Variants in KIAA1958 observed in about 807,000 individuals in gnomAD.
KIAA1958 encodes the protein uncharacterized protein KIAA1958.
Under a neutral mutation model 47.2 loss-of-function variants are expected in KIAA1958, and 14 were observed. The observed-to-expected ratio is 0.30, with a 90% CI of 0.20 to 0.46. The LOEUF is 0.46. Ranked by LOEUF, KIAA1958 falls within the 20% of genes least tolerant of loss-of-function variation. The probability of loss-of-function intolerance (pLI) is 1.00; values close to 1 mark genes in which losing one functional copy is unlikely to be tolerated. For synonymous variants in KIAA1958, 354 were observed against 353.3 expected, an observed-to-expected ratio of 1.00 and a Z score of -0.02; for missense variants, 803 against 909.2, an observed-to-expected ratio of 0.88 and a Z score of 1.50.
chr9:112,640,925 T>C (rs1836879543), intron 2 of KIAA1958, among the ~76,000 whole-genome samples: 1 of 152,198 alleles, frequency 6.6e-6, no homozygotes, highest in Non-Finnish European at 1.5e-5. Flanking sequence ...GCTAGATAGA[T>C]TGCAGGTGTT....
chr9:112,547,346 A>G lies in KIAA1958; in HGVS notation c.-24-26711A>G, dbSNP rs532910359. ...TGAGCCACAGTTGTGCCACTGCACC[A>G]CAGCCTGGGTGACAGAGCAAGACTC... is the stretch of plus-strand genomic sequence containing the variant. On this transcript the variant is annotated intron_variant, in intron 1 of 3. Transcript: ENST00000337530. Among the ~76,000 whole-genome samples the G allele has an allele frequency of 7.4e-3, 1,070 of 145,418 alleles. 3 individuals are homozygous for G. The highest frequency in any genetic ancestry group is 0.011 in the Non-Finnish European group (733 of 66,794).
Position 112,659,953 on chromosome 9 carries a change from C to T in KIAA1958, c.2035C>T (p.Arg679Trp), listed in dbSNP as rs771772720. The change falls in exon 4 of 4, where the codon CGG becomes TGG. Residue 679 changes from arginine (R) to tryptophan (W), a missense_variant. Coordinates refer to ENST00000337530, the MANE Select transcript of KIAA1958 (RefSeq NM_133465.4). ...GCAGAGGATGGGGCTGCGCTCTCTT[C>T]GGGGAATTGTCCCAAACTTAGCCAA... is the stretch of plus-strand genomic sequence containing the variant. ...EEQRMGLRSL[R>W]GIVPNLAKKV... is the part of the protein sequence containing the mutation. 3 of 1,614,196 alleles carry T rather than the reference C, an allele frequency of 1.9e-6. No individual in the cohort carries two copies. The highest frequency in any genetic ancestry group is 1.7e-5 in the Admixed American group (1 of 60,026).
chr9:112,517,331 TG>T (rs1289348604), intron 1 of KIAA1958, among the ~76,000 whole-genome samples: 3 of 152,230 alleles, frequency 2.0e-5, no homozygotes, highest in Non-Finnish European at 2.9e-5. Flanking sequence ...AAGAATTGTA[TG>T]TCTATATGCA....
chr9:112,615,542 T>A (rs1836395439), intron 2 of KIAA1958, among the ~76,000 whole-genome samples: 1 of 152,100 alleles, frequency 6.6e-6, no homozygotes, highest in Non-Finnish European at 1.5e-5. Context: ...ATTAATAAAA[T>A]TTTAAGCTGC....
At chr9:112,546,779 C>T (rs1040933994) in intron 1 of KIAA1958, among the ~76,000 whole-genome samples, 11 of 152,116 alleles carry the variant, frequency 7.2e-5, no homozygotes, top group African/African-American at 2.7e-4. Context: ...CTCTCACTCT[C>T]TCTGCCCTGT....
intron 2 of KIAA1958, among the ~76,000 whole-genome samples, chr9:112,579,022 A>AT (rs1036146462): frequency 2.0e-5 from 3 of 151,622 alleles, no homozygotes; most frequent in African/African-American, 7.3e-5. Flanking sequence ...ATGTATATAT[A>AT]TTTTTTCTTT....
rs542323265 is a variant in KIAA1958, at chr9:112,620,851, C to G, written c.1172-24799C>G. Among the ~76,000 whole-genome samples, 5 of 152,046 alleles carry G rather than the reference C, an allele frequency of 3.3e-5. No individual in the cohort carries two copies. The East Asian group carries it at 9.6e-4, about 29-fold the overall frequency. On this transcript the variant is annotated intron_variant, in intron 2 of 3. Coordinates refer to ENST00000337530, the MANE Select transcript of KIAA1958 (RefSeq NM_133465.4). ...AAGGATAAAGAAAACAAAATACGTACTCGTAAGTCTTCTAGCCAAAGATAA... is the reference window on the plus strand; with the variant it reads ...AAGGATAAAGAAAACAAAATACGTAGTCGTAAGTCTTCTAGCCAAAGATAA...
chr9:112,577,500 G>GTTTA (rs1180692016), intron 2 of KIAA1958, among the ~76,000 whole-genome samples: 1 of 148,462 alleles, frequency 6.7e-6, no homozygotes, highest in Non-Finnish European at 1.5e-5. Context: ...CCTAGTTCTA[G>GTTTA]TTTATTTATT....
intron 2 of KIAA1958, among the ~76,000 whole-genome samples, chr9:112,588,153 A>C (rs1387472810): frequency 6.6e-6 from 1 of 152,228 alleles, no homozygotes; most frequent in African/African-American, 2.4e-5. Context: ...TTTTACTCTT[A>C]ATAACTAACC....
At chr9:112,547,998 CTTTTTTTTTTT>C (rs372918486) in intron 1 of KIAA1958, among the ~76,000 whole-genome samples, 24 of 94,576 alleles carry the variant, frequency 2.5e-4, no homozygotes, top group Admixed American at 3.6e-4. Flanking sequence ...GTCAGAAAAT[CTTTTTTTTTTT>C]TTTTTTTTTT....
rs10629493 is a variant in KIAA1958 at position 112,487,857 on chromosome 9, CTTT to C, written c.-25+746_-25+748del. Among the ~76,000 whole-genome samples the C allele has an allele frequency of 3.0e-3, 451 of 149,128 alleles. 6 individuals carry two copies. The highest frequency in any genetic ancestry group is 0.014 in the Middle Eastern group (4 of 288). On this transcript the variant is annotated intron_variant, in intron 1 of 3. Transcript: ENST00000337530. Reference sequence around the variant, plus strand: ...AAGAATGTTTTTGGTTCCTTCAAGTCTTTTTTTTTCTTTAAGGTTTTAGATTGG... The same window carrying C: ...AAGAATGTTTTTGGTTCCTTCAAGTCTTTTTTCTTTAAGGTTTTAGATTGG...
intron 1 of KIAA1958, among the ~76,000 whole-genome samples, chr9:112,515,136 G>A (rs1371940581): frequency 1.1e-5 from 1 of 94,912 alleles, no homozygotes; most frequent in South Asian, 4.7e-4. Flanking sequence ...GGTGAGGGGC[G>A]CCTCTGCCCG....
chr9:112,535,895 C>A (rs777142279), intron 1 of KIAA1958, among the ~76,000 whole-genome samples: 34 of 152,102 alleles, frequency 2.2e-4, no homozygotes, highest in Non-Finnish European at 4.4e-4. Flanking sequence ...GTGATTTTTA[C>A]TGTTGAGGAA....
intron 1 of KIAA1958, among the ~76,000 whole-genome samples, chr9:112,544,837 T>C (rs1159763526): frequency 6.6e-6 from 1 of 152,240 alleles, no homozygotes; most frequent in Non-Finnish European, 1.5e-5. Context: ...GAGACACTTC[T>C]ACTTTTCAAA....
chr9:112,590,109 A>G (rs1166206382), intron 2 of KIAA1958, among the ~76,000 whole-genome samples: 2 of 152,168 alleles, frequency 1.3e-5, no homozygotes, highest in Admixed American at 6.5e-5. Context: ...GACCATTGGC[A>G]TCACCTGGGG....
At chr9:112,504,527 G>A (rs1200066209) in intron 1 of KIAA1958, among the ~76,000 whole-genome samples, 1 of 152,114 alleles carries the variant, frequency 6.6e-6, no homozygotes, top group Admixed American at 6.5e-5. Context: ...TTACAGATGG[G>A]GAAATGATCT....
At chr9:112,532,580 T>C (rs1157155564) in intron 1 of KIAA1958, among the ~76,000 whole-genome samples, 1 of 152,200 alleles carries the variant, frequency 6.6e-6, no homozygotes, top group Non-Finnish European at 1.5e-5. Flanking sequence ...GGTTCTGATG[T>C]GTGTATAAAA....
At chr9:112,490,201 A>G (rs953900251) in intron 1 of KIAA1958, among the ~76,000 whole-genome samples, 1 of 152,218 alleles carries the variant, frequency 6.6e-6, no homozygotes, top group East Asian at 1.9e-4. Flanking sequence ...TTTTTCTCTT[A>G]AGTACTGTCA....
chr9:112,620,287 C>A (rs545255018), intron 2 of KIAA1958, among the ~76,000 whole-genome samples: 2 of 152,262 alleles, frequency 1.3e-5, no homozygotes, highest in East Asian at 3.9e-4. Flanking sequence ...CACAGAAACT[C>A]CAAATCTTGA....
Sources: allele counts gnomAD v4.1 joint callset (sites outside exome capture counted in the v4.1 genomes callset), GRCh38; gene constraint gnomAD v4.1.1; transcripts MANE v1.5; gene names NCBI Gene and HGNC (gene_info 2026-07-23, HGNC 2026-07-21).